The following KCNH5 variants were observed in gnomAD, a reference collection of about 807,000 sequenced individuals.
KCNH5 encodes voltage-gated delayed rectifier potassium channel KCNH5.
Under a neutral mutation model 96.1 loss-of-function variants are expected in KCNH5, and 46 were observed. The ratio of observed to expected loss-of-function variants is 0.48; its 90% confidence interval spans 0.38 to 0.61. The LOEUF is 0.61. Ranked by LOEUF, KCNH5 falls within the 20% of genes least tolerant of loss-of-function variation. The pLI is 0.00. For synonymous variants in KCNH5, 439 were observed against 449.8 expected (o/e 0.98, Z 0.30); for missense variants, 907 against 1,225.8 (o/e 0.74, Z 3.88).
intron 7 of KCNH5, among the ~76,000 whole-genome samples, chr14:62,939,675 C>T (rs1339504995): frequency 6.6e-6 from 1 of 152,180 alleles, no homozygotes; most frequent in Admixed American, 6.5e-5. Flanking sequence ...CATGGTGGCT[C>T]ATGCCTGTAA....
intron 10 of KCNH5, among the ~76,000 whole-genome samples, chr14:62,727,079 G>A (rs1176478372): frequency 6.6e-6 from 1 of 152,086 alleles, no homozygotes; most frequent in Non-Finnish European, 1.5e-5. Flanking sequence ...TTAAAAGTGA[G>A]TAGGGGCAGG....
At chr14:62,848,831 C>T (rs1298268337) in intron 8 of KCNH5, among the ~76,000 whole-genome samples, 1 of 151,948 alleles carries the variant, frequency 6.6e-6, no homozygotes, top group Non-Finnish European at 1.5e-5. Flanking sequence ...TATCACGTGT[C>T]AAAAATCAGT....
At chr14:62,960,705 T>C (rs184098039) in intron 6 of KCNH5, among the ~76,000 whole-genome samples, 2 of 152,338 alleles carry the variant, frequency 1.3e-5, no homozygotes, top group East Asian at 1.9e-4. Flanking sequence ...ATTTGTTATC[T>C]GAACCTCTAA....
chr14:62,915,718 T>G (rs2140104204), intron 7 of KCNH5, among the ~76,000 whole-genome samples: 1 of 152,298 alleles, frequency 6.6e-6, no homozygotes, highest in South Asian at 2.1e-4. Flanking sequence ...TAACAATCAG[T>G]GCTTAAAAAC....
In KCNH5 at chr14:62,865,200, T is replaced by G. The variant is rs1888110569; in HGVS notation, c.1370-15348A>C. On this transcript the variant is annotated intron_variant, in intron 7 of 10. Transcript: ENST00000322893. Reference sequence around the variant, plus strand: ...ACGTGAGTTGGCAGGGCTTGATGTTTTCTTTACAAGGCTTGTTGGGTTTAG... The same window carrying G: ...ACGTGAGTTGGCAGGGCTTGATGTTGTCTTTACAAGGCTTGTTGGGTTTAG... Among the ~76,000 whole-genome samples, 3 of 152,234 alleles carry G rather than the reference T, an allele frequency of 2.0e-5. No homozygotes were observed. The South Asian group carries it at 6.2e-4, about 32-fold the overall frequency.
At chr14:63,036,967 A>T (rs983249083) in intron 1 of KCNH5, among the ~76,000 whole-genome samples, 1 of 152,190 alleles carries the variant, frequency 6.6e-6, no homozygotes, top group African/African-American at 2.4e-5. Flanking sequence ...AATTTTCAGC[A>T]TTATGGAGGA....
chr14:62,810,181 G>A (rs979716814), intron 8 of KCNH5, among the ~76,000 whole-genome samples: 2 of 151,926 alleles, frequency 1.3e-5, no homozygotes, highest in African/African-American at 2.4e-5. Context: ...ACCTCTTGTC[G>A]AAACTCAAGA....
chr14:62,917,625 G>A (rs1281128050), intron 7 of KCNH5, among the ~76,000 whole-genome samples: 1 of 152,142 alleles, frequency 6.6e-6, no homozygotes, highest in Admixed American at 6.5e-5. Flanking sequence ...TTAGAAATGA[G>A]ATGAGAGAAG....
intron 8 of KCNH5, among the ~76,000 whole-genome samples, chr14:62,834,244 C>T (rs1887420093): frequency 6.6e-6 from 1 of 151,808 alleles, no homozygotes; most frequent in Non-Finnish European, 1.5e-5. Flanking sequence ...TTTTCCTTTT[C>T]CTAGCTAGAA....
At chr14:62,903,904 C>A (rs1888977955) in intron 7 of KCNH5, among the ~76,000 whole-genome samples, 1 of 151,612 alleles carries the variant, frequency 6.6e-6, no homozygotes. Flanking sequence ...TATTATAAAT[C>A]ATATTTTTTT....
At chr14:62,715,720 A>G (rs908835704) in intron 10 of KCNH5, among the ~76,000 whole-genome samples, 2 of 152,134 alleles carry the variant, frequency 1.3e-5, no homozygotes, top group African/African-American at 4.8e-5. Context: ...GATCTAGTCC[A>G]GTCTCTTAGG....
chr14:62,848,378 T>G (rs1489430669), intron 8 of KCNH5, among the ~76,000 whole-genome samples: 1 of 152,208 alleles, frequency 6.6e-6, no homozygotes, highest in Non-Finnish European at 1.5e-5. Flanking sequence ...AAATGTAGCT[T>G]GCTTTCTCCC....
At chr14:62,712,640 G>A in intron 10 of KCNH5, 1 of 771,784 alleles carries the variant, frequency 1.3e-6, no homozygotes. Flanking sequence ...AGATGAATGG[G>A]TGAAGTAGGA....
At chr14:62,931,823 C>T (rs1056925953) in intron 7 of KCNH5, among the ~76,000 whole-genome samples, 4 of 152,120 alleles carry the variant, frequency 2.6e-5, no homozygotes, top group Non-Finnish European at 5.9e-5. Flanking sequence ...CCTTTTCACA[C>T]TTCAGCAGAC....
intron 3 of KCNH5, among the ~76,000 whole-genome samples, chr14:63,003,841 C>T (rs919505843): frequency 2.0e-5 from 3 of 151,306 alleles, no homozygotes; most frequent in East Asian, 1.9e-4. Flanking sequence ...AGGATGGTCT[C>T]GATTTCCTGA....
intron 8 of KCNH5, among the ~76,000 whole-genome samples, chr14:62,815,043 A>C (rs187917495): frequency 1.4e-4 from 22 of 152,312 alleles, no homozygotes; most frequent in African/African-American, 5.1e-4. Flanking sequence ...ATTAATGTTG[A>C]AATAGATAAA....
chr14:62,973,416 T>C (rs1890445860), intron 6 of KCNH5, among the ~76,000 whole-genome samples: 1 of 152,144 alleles, frequency 6.6e-6, no homozygotes, highest in South Asian at 2.1e-4. Context: ...ACAAATAGAA[T>C]GTATTTAGGT....
intron 7 of KCNH5, among the ~76,000 whole-genome samples, chr14:62,918,433 G>A (rs1224215857): frequency 1.3e-5 from 2 of 152,148 alleles, no homozygotes; most frequent in African/African-American, 2.4e-5. Context: ...AAATAGGACC[G>A]AAGAATCAAT....
At chr14:62,708,881 C>A (rs1263381673) in intron 10 of KCNH5, among the ~76,000 whole-genome samples, 1 of 152,140 alleles carries the variant, frequency 6.6e-6, no homozygotes. Flanking sequence ...TTAAATTTCT[C>A]TGTAATGAAT....
Sources: gnomAD v4.1 joint callset for allele counts (sites outside exome capture counted in the v4.1 genomes callset) on GRCh38, gnomAD v4.1.1 for gene constraint, MANE v1.5 for transcripts, NCBI Gene and HGNC (gene_info 2026-07-23, HGNC 2026-07-21) for gene names.